The following SHROOM3 variants were observed in gnomAD, a reference collection of about 807,000 sequenced individuals.
SHROOM3 encodes the protein protein Shroom3.
In SHROOM3, 47 loss-of-function variants were observed where a neutral mutation model predicts 138.6. The observed-to-expected ratio is 0.34, with a 90% CI of 0.27 to 0.43. SHROOM3 has a LOEUF of 0.43. Ranked by LOEUF, SHROOM3 falls within the 20% of genes least tolerant of loss-of-function variation. The pLI, the probability that SHROOM3 is intolerant of heterozygous loss-of-function variation, is 1.00. For synonymous variants in SHROOM3, 1,062 were observed against 1,063.3 expected (o/e 1.00, Z 0.02); for missense variants, 2,491 against 2,596.5 (o/e 0.96, Z 0.88).
chr4:76,534,100 G>T (rs1332026274), intron 1 of SHROOM3, among the ~76,000 whole-genome samples: 2 of 152,198 alleles, frequency 1.3e-5, no homozygotes, highest in Non-Finnish European at 2.9e-5. Context: ...ACCTGGCCCA[G>T]TGCCTGGTAT....
intron 2 of SHROOM3, among the ~76,000 whole-genome samples, chr4:76,596,589 C>T (rs1425104048): frequency 7.1e-6 from 1 of 141,766 alleles, no homozygotes; most frequent in Non-Finnish European, 1.5e-5. Flanking sequence ...GAAACACACA[C>T]ACACACACAC....
At chr4:76,716,179 A>G (rs568366306) in intron 3 of SHROOM3, 4 of 402,576 alleles carry the variant, frequency 9.9e-6, no homozygotes, top group Non-Finnish European at 2.0e-5. Context: ...TAATTGGCCA[A>G]TTTACAGAGG....
At chr4:76,497,651 A>T (rs371820448) in intron 1 of SHROOM3, among the ~76,000 whole-genome samples, 20 of 152,134 alleles carry the variant, frequency 1.3e-4, no homozygotes, top group East Asian at 1.2e-3. Flanking sequence ...TGAGGTCAGG[A>T]ATTCGAGACC....
intron 2 of SHROOM3, among the ~76,000 whole-genome samples, chr4:76,604,423 T>C (rs1423121125): frequency 2.6e-5 from 4 of 152,226 alleles, no homozygotes; most frequent in Non-Finnish European, 4.4e-5. Flanking sequence ...GGGTTTTCAA[T>C]TTATTTTCTA....
intron 2 of SHROOM3, chr4:76,709,924 T>C: frequency 2.0e-6 from 1 of 498,106 alleles, no homozygotes. Context: ...TAATGCTTTA[T>C]TGCTTCAGAG....
chr4:76,587,323 A>G (rs1734176565), intron 2 of SHROOM3: 1 of 152,160 alleles, frequency 6.6e-6, no homozygotes, highest in East Asian at 1.9e-4. Context: ...ATAGGAAGGA[A>G]GGTAATTTTC....
intron 1 of SHROOM3, among the ~76,000 whole-genome samples, chr4:76,521,448 T>C (rs1438278575): frequency 6.6e-6 from 1 of 152,220 alleles, no homozygotes; most frequent in Non-Finnish European, 1.5e-5. Flanking sequence ...AGAAGACAAT[T>C]ATGGCATTCA....
intron 2 of SHROOM3, chr4:76,573,427 A>T (rs1252063122): frequency 8.5e-6 from 1 of 117,928 alleles, no homozygotes; most frequent in East Asian, 2.4e-4. Context: ...TAATAATAAT[A>T]ATTTTTATTC....
rs1721929834 is a variant in SHROOM3, at chr4:76,759,583, G to A, written c.5237G>A (p.Cys1746Tyr). 1 of 1,614,064 alleles carries A rather than the reference G, an allele frequency of 6.2e-7. No homozygotes were observed. Among genetic ancestry groups the A allele is most frequent in the African/African-American group, 1.3e-5 (1 of 74,942 alleles). ...GAAGCAGTGAGCATGTTGGTTAACT[G>A]CCCTGCCTACTACAGTGTGTCTGCT... ...DKEAVSMLVNCPAYYSVSAPK... is the reference protein window; with the variant it reads ...DKEAVSMLVNYPAYYSVSAPK... Residue 1746 changes from cysteine (C) to tyrosine (Y), a missense_variant, in exon 9 of 11, where the codon TGC becomes TAC. Cys to Tyr is a radical substitution (Grantham distance 194). Transcript: ENST00000296043.
intron 2 of SHROOM3, among the ~76,000 whole-genome samples, chr4:76,579,613 G>A (rs1303649979): frequency 1.3e-5 from 2 of 152,240 alleles, no homozygotes; most frequent in Non-Finnish European, 2.9e-5. Context: ...GCAGCAGTGG[G>A]CTGGAGCTGC....
rs1721228793 is a variant in SHROOM3 at position 76,740,915 on chromosome 4, C to T, written c.2742C>T (p.Pro914=). 5 of 1,501,708 alleles carry T rather than the reference C, an allele frequency of 3.3e-6. No homozygotes were observed. In the African/African-American group the frequency reaches 4.2e-5, roughly 13 times the overall value. 93.0% of individuals were successfully genotyped at this position (1,501,708 alleles called of 1,614,324 possible). ...WRDRPGSPES[P]LLDAPFSRAY... is the part of the protein sequence containing the mutation. ...ACAGGCCCGGCTCGCCCGAATCGCC[C>T]CTGCTGGATGCCCCCTTCAGCCGCG... The change falls in exon 5 of 11, where the codon CCC becomes CCT. Residue 914 remains proline (P), a synonymous_variant. Coordinates refer to ENST00000296043, the MANE Select transcript of SHROOM3 (RefSeq NM_020859.4). This position sits in a 1 kb window ranked among gnomAD's most constrained non-coding sequence, Gnocchi z 4.0.
At chr4:76,716,285 G>A (rs776857707) in intron 3 of SHROOM3, 1 of 518,650 alleles carries the variant, frequency 1.9e-6, no homozygotes, top group South Asian at 1.4e-5. Context: ...TACTTGTGAG[G>A]CTTTTACCAT....
chr4:76,482,602 C>A lies in SHROOM3; in HGVS notation c.168+46382C>A, dbSNP rs143715222. Among the ~76,000 whole-genome samples the A allele has an allele frequency of 3.1e-3, 473 of 152,230 alleles. 2 individuals carry two copies. The highest frequency in any genetic ancestry group is 5.2e-3 in the Non-Finnish European group (357 of 68,018). On this transcript the variant is annotated intron_variant, in intron 1 of 10. Coordinates refer to ENST00000296043, the MANE Select transcript of SHROOM3 (RefSeq NM_020859.4). ...AAGTAATTTATAGATCCAATGCTAT[C>A]CCCATCAATCTACCATTGACTTTAT...
At chr4:76,682,132 G>A (rs919389024) in intron 2 of SHROOM3, among the ~76,000 whole-genome samples, 7 of 152,074 alleles carry the variant, frequency 4.6e-5, no homozygotes, top group Non-Finnish European at 7.3e-5. Context: ...ATCTTAAGTC[G>A]GGCACATGCA....
At chr4:76,475,898 T>C (rs77560573) in intron 1 of SHROOM3, among the ~76,000 whole-genome samples, 1 of 152,342 alleles carries the variant, frequency 6.6e-6, no homozygotes, top group East Asian at 1.9e-4. Flanking sequence ...TTACAATGAG[T>C]GAGAAAACAC....
At chr4:76,458,843 G>A (rs1731084882) in intron 1 of SHROOM3, among the ~76,000 whole-genome samples, 2 of 152,306 alleles carry the variant, frequency 1.3e-5, no homozygotes, top group East Asian at 1.9e-4. Context: ...AATTATAGAG[G>A]AATAATGATA....
chr4:76,703,203 A>C (rs1437714406), intron 2 of SHROOM3, among the ~76,000 whole-genome samples: 1 of 152,170 alleles, frequency 6.6e-6, no homozygotes, highest in African/African-American at 2.4e-5. Flanking sequence ...GCAGAAAGAC[A>C]GGAGGAGGCT....
Position 76,741,382 on chromosome 4 carries a change from C to T in SHROOM3, c.3209C>T (p.Thr1070Met), listed in dbSNP as rs1337351345. The T allele has an allele frequency of 5.0e-6, 8 of 1,603,308 alleles. No homozygotes were observed. The highest frequency in any genetic ancestry group is 6.8e-6 in the Non-Finnish European group (8 of 1,175,918). ...GAGCGCGATGGCAAGGCCTGCTCCA[C>T]GCTCAGCCTGTCGGGGCCCGAGCTG... ...LFERDGKACS[T>M]LSLSGPELKQ... The change falls in exon 5 of 11, where the codon ACG becomes ATG. Residue 1070 changes from threonine to methionine, a missense_variant. This residue lies in a region of SHROOM3 where 1,733 missense variants were observed against 1,661.6 expected (regional missense o/e 1.04). Coordinates refer to ENST00000296043, the MANE Select transcript of SHROOM3 (RefSeq NM_020859.4). The surrounding 1 kb of genome is among the most constrained non-coding windows in gnomAD (Gnocchi z 6.2).
At chr4:76,608,654 A>ACAGAGATG (rs1560563316) in intron 2 of SHROOM3, among the ~76,000 whole-genome samples, 4 of 25,260 alleles carry the variant, frequency 1.6e-4, no homozygotes, top group Non-Finnish European at 1.6e-4. Context: ...AGCATAGCAT[A>ACAGAGATG]GCATAGCATA....
Sources: allele counts gnomAD v4.1 joint callset (sites outside exome capture counted in the v4.1 genomes callset), GRCh38; gene constraint gnomAD v4.1.1; regional missense constraint gnomAD v4.1.1; non-coding constraint Gnocchi (gnomAD v3.1); transcripts MANE v1.5; gene names NCBI Gene and HGNC (gene_info 2026-07-23, HGNC 2026-07-21).